The following EYA4 variants were observed in gnomAD, a reference collection of about 807,000 sequenced individuals.
EYA4 encodes the protein protein phosphatase EYA4.
In EYA4, 31 loss-of-function variants were observed where a neutral mutation model predicts 87.9. That is an observed-to-expected ratio of 0.35 (90% confidence interval 0.27 to 0.48). The LOEUF is 0.48. Among genes scored for constraint, EYA4 ranks in the 20% least tolerant of loss-of-function variants. The pLI, the probability that EYA4 is intolerant of heterozygous loss-of-function variation, is 0.99. For missense variants in EYA4, 678 were observed against 761.4 expected (o/e 0.89, Z 1.29); for synonymous variants, 263 against 270.6 (o/e 0.97, Z 0.28).
chr6:133,279,519 T>C (rs1707293002), intron 2 of EYA4, among the ~76,000 whole-genome samples: 1 of 152,138 alleles, frequency 6.6e-6, no homozygotes, highest in African/African-American at 2.4e-5. Context: ...TGAAACATAT[T>C]CATAGACATG....
intron 2 of EYA4, among the ~76,000 whole-genome samples, chr6:133,314,167 T>C (rs995023431): frequency 3.9e-5 from 6 of 152,168 alleles, no homozygotes; most frequent in African/African-American, 1.4e-4. Context: ...AAATTACTTA[T>C]GACTTCTGAT....
intron 10 of EYA4, 128 bp downstream of exon 10, chr6:133,464,986 T>G (rs1794725010): frequency 1.5e-6 from 1 of 657,626 alleles, no homozygotes; most frequent in Non-Finnish European, 2.7e-6. Flanking sequence ...ATGATAGCAT[T>G]TCAGGATAGT....
At chr6:133,526,027 C>A (rs778972825) in intron 19 of EYA4, 6 of 432,836 alleles carry the variant, frequency 1.4e-5, no homozygotes, top group Non-Finnish European at 1.8e-5. Context: ...TTTAATAAGC[C>A]TTTTCATCTG....
intron 3 of EYA4, among the ~76,000 whole-genome samples, chr6:133,394,023 G>A (rs1787539164): frequency 6.6e-6 from 1 of 152,188 alleles, no homozygotes; most frequent in Non-Finnish European, 1.5e-5. Flanking sequence ...TCACATTTCA[G>A]TTGTCTTAGC....
At chr6:133,335,130 A>G (rs773493954) in intron 2 of EYA4, among the ~76,000 whole-genome samples, 18 of 152,114 alleles carry the variant, frequency 1.2e-4, no homozygotes, top group Non-Finnish European at 2.5e-4. Flanking sequence ...TCCTTTTTTC[A>G]AGATAGTTTA....
chr6:133,248,028 C>G (rs193072242), intron 1 of EYA4: 1 of 152,040 alleles, frequency 6.6e-6, no homozygotes, highest in East Asian at 1.9e-4. Flanking sequence ...CTTGAGTATC[C>G]GTATTAACCA....
chr6:133,344,193 C>A (rs911269453), intron 2 of EYA4, among the ~76,000 whole-genome samples: 1 of 152,194 alleles, frequency 6.6e-6, no homozygotes, highest in African/African-American at 2.4e-5. Context: ...TCGCATTGGA[C>A]TGGAAGAGAT....
intron 3 of EYA4, among the ~76,000 whole-genome samples, chr6:133,399,381 A>G (rs951601434): frequency 8.5e-5 from 13 of 152,170 alleles, no homozygotes; most frequent in African/African-American, 2.9e-4. Context: ...GATACACAGT[A>G]TTATTCATTA....
At chr6:133,294,549 C>T (rs1306280927) in intron 2 of EYA4, among the ~76,000 whole-genome samples, 3 of 150,990 alleles carry the variant, frequency 2.0e-5, no homozygotes, top group Non-Finnish European at 4.4e-5. Context: ...CATTCAACAT[C>T]GAAATACATT....
rs1794350063 is a variant in EYA4, at chr6:133,461,178, C to T, written c.435C>T (p.Ser145=). 1 of 1,609,238 alleles carries T rather than the reference C, an allele frequency of 6.2e-7. No individual in the cohort carries two copies. Among genetic ancestry groups the T allele is most frequent in the Admixed American group, 1.7e-5 (1 of 59,940 alleles). The stretch of plus-strand genomic sequence containing the variant: ...AGTATTCCCCACAGCTGTATCCTTC[C>T]AAGTAAGTGGTCAGTAGATTCTTGC... ...AHQYSPQLYP[S]KPYPHILSTP... is the part of the protein sequence containing the mutation. The change falls in exon 7 of 20, where the codon TCC becomes TCT. Residue 145 remains serine (S), a splice_region_variant and synonymous_variant. Transcript: ENST00000355286.
intron 3 of EYA4, among the ~76,000 whole-genome samples, chr6:133,428,806 T>C (rs1790902679): frequency 6.6e-6 from 1 of 151,710 alleles, no homozygotes; most frequent in African/African-American, 2.4e-5. Flanking sequence ...GTGCTCCTTC[T>C]GTCCCATTGG....
At chr6:133,368,815 G>C (rs979291860) in intron 2 of EYA4, among the ~76,000 whole-genome samples, 2 of 152,190 alleles carry the variant, frequency 1.3e-5, no homozygotes, top group African/African-American at 2.4e-5. Context: ...GACACTAGTA[G>C]GGAGACAGCG....
chr6:133,456,713 G>A (rs1554260942), intron 6 of EYA4, 65 bp downstream of exon 6: 3 of 973,218 alleles, frequency 3.1e-6, no homozygotes, highest in South Asian at 2.6e-5. Flanking sequence ...TCCTCCTCGG[G>A]AATAAGCAAC....
intron 3 of EYA4, among the ~76,000 whole-genome samples, chr6:133,439,994 C>T (rs899698336): frequency 2.0e-5 from 3 of 152,200 alleles, no homozygotes; most frequent in African/African-American, 7.2e-5. Flanking sequence ...TGCACAAGGG[C>T]TAACCTCACT....
intron 2 of EYA4, among the ~76,000 whole-genome samples, chr6:133,287,703 G>A (rs927766415): frequency 1.3e-5 from 2 of 152,072 alleles, no homozygotes; most frequent in South Asian, 2.1e-4. Context: ...ATAATTTTTC[G>A]GCAAGAGATT....
rs3065362 is a variant in EYA4, at chr6:133,385,298, C to CA, written c.83+2875dup. ...TGGGTGACAAAGCAAGACTCTGTCT[C>CA]AAAAAAAAAAAAAAAAAACCCACAA... On this transcript the variant is annotated intron_variant, in intron 3 of 19. Coordinates refer to ENST00000355286, the MANE Select transcript of EYA4 (RefSeq NM_004100.5). 3.7e-4 allele frequency among the ~76,000 whole-genome samples: 39 copies of CA among 106,632 alleles called. 1 individual carries two copies. Among genetic ancestry groups the CA allele is most frequent in the African/African-American group, 1.0e-3 (27 of 26,216 alleles). The allele number at this position is 106,632 out of a possible 152,430, so 70.0% of individuals were successfully genotyped here. A position where few individuals can be genotyped will look rare whatever the true frequency, so the allele number is the denominator to read the frequency against.
intron 12 of EYA4, 31 bp from the exon 13 acceptor site, chr6:133,483,001 T>A (rs770134618): frequency 1.9e-6 from 3 of 1,580,216 alleles, no homozygotes; most frequent in South Asian, 1.1e-5. Flanking sequence ...TTGGACTTTT[T>A]AATTTTCTGA....
chr6:133,517,797 G>A (rs1333090759), intron 17 of EYA4, among the ~76,000 whole-genome samples: 2 of 152,168 alleles, frequency 1.3e-5, no homozygotes, highest in Non-Finnish European at 2.9e-5. Flanking sequence ...TTGGACTGTG[G>A]GAACCACCTA....
intron 13 of EYA4, among the ~76,000 whole-genome samples, chr6:133,500,545 A>G (rs980693670): frequency 1.3e-5 from 2 of 152,072 alleles, no homozygotes; most frequent in Non-Finnish European, 1.5e-5. Flanking sequence ...GAGAGCAAGC[A>G]TATCTCTCCC....
Sources: allele counts gnomAD v4.1 joint callset (sites outside exome capture counted in the v4.1 genomes callset), GRCh38; gene constraint gnomAD v4.1.1; transcripts MANE v1.5; gene names NCBI Gene and HGNC (gene_info 2026-07-23, HGNC 2026-07-21).